Variants in PTPRD observed in about 807,000 individuals in gnomAD.
The protein encoded by PTPRD is receptor-type tyrosine-protein phosphatase delta.
PTPRD carries 34 observed loss-of-function variants against 214.5 expected under a neutral mutation model. The ratio of observed to expected loss-of-function variants is 0.16; its 90% CI spans 0.12 to 0.21. The LOEUF (loss-of-function observed/expected upper bound fraction) is 0.21. PTPRD is among the 10% of genes least tolerant of loss of function. PTPRD has a pLI of 1.00. For synonymous variants in PTPRD, 1,128 were observed against 845.7 expected, an observed-to-expected ratio of 1.33 and a Z score of -5.79; for missense variants, 2,545 against 2,398.7, an observed-to-expected ratio of 1.06 and a Z score of -1.27.
intron 3 of PTPRD, among the ~76,000 whole-genome samples, chr9:10,326,510 G>C (rs1271513600): frequency 6.6e-6 from 1 of 151,370 alleles, no homozygotes; most frequent in Non-Finnish European, 1.5e-5. Context: ...TTATTTGTTT[G>C]TTGTTGTTGT....
At chr9:8,859,386 C>G (rs2098046197) in intron 11 of PTPRD, among the ~76,000 whole-genome samples, 1 of 152,204 alleles carries the variant, frequency 6.6e-6, no homozygotes, top group Non-Finnish European at 1.5e-5. Flanking sequence ...CTTCACTACT[C>G]ATAGGGTCTC....
intron 10 of PTPRD, among the ~76,000 whole-genome samples, chr9:9,032,793 A>G (rs1376424480): frequency 6.6e-6 from 1 of 152,102 alleles, no homozygotes; most frequent in Non-Finnish European, 1.5e-5. Context: ...TCCTGCAAAT[A>G]GAGCTTATAT....
At chr9:9,532,180 C>G (rs557355282) in intron 8 of PTPRD, among the ~76,000 whole-genome samples, 11 of 152,112 alleles carry the variant, frequency 7.2e-5, no homozygotes, top group African/African-American at 2.7e-4. Flanking sequence ...GAATGTGACT[C>G]AGAGTGAGGA....
intron 10 of PTPRD, among the ~76,000 whole-genome samples, chr9:9,176,363 A>G (rs1306132981): frequency 6.6e-6 from 1 of 152,196 alleles, no homozygotes; most frequent in Admixed American, 6.5e-5. Context: ...GTCAGTCTCT[A>G]TCTATATAGT....
chr9:9,725,928 A>G (rs1365887895), intron 7 of PTPRD, among the ~76,000 whole-genome samples: 3 of 152,144 alleles, frequency 2.0e-5, no homozygotes, highest in Non-Finnish European at 1.5e-5. Flanking sequence ...TGTTTAGGGA[A>G]GCAGATGACT....
At chr9:8,509,252 T>C (rs2097617843) in intron 21 of PTPRD, among the ~76,000 whole-genome samples, 1 of 152,142 alleles carries the variant, frequency 6.6e-6, no homozygotes, top group South Asian at 2.1e-4. Flanking sequence ...AAATGCATTA[T>C]TTCTAAAAGG....
chr9:9,552,031 C>T (rs576831690), intron 8 of PTPRD, among the ~76,000 whole-genome samples: 1 of 152,166 alleles, frequency 6.6e-6, no homozygotes, highest in Admixed American at 6.6e-5. Context: ...ATAAGCCCAA[C>T]TCTTTATCAC....
chr9:10,396,138 C>G (rs948668011), intron 2 of PTPRD, among the ~76,000 whole-genome samples: 6 of 151,924 alleles, frequency 3.9e-5, no homozygotes, highest in Non-Finnish European at 7.4e-5. Context: ...GTTATACCTC[C>G]TCACCTTTTT....
chr9:9,515,297 GT>G (rs1486951691), intron 8 of PTPRD, among the ~76,000 whole-genome samples: 1 of 151,852 alleles, frequency 6.6e-6, no homozygotes, highest in African/African-American at 2.4e-5. Flanking sequence ...TTTTTTATTT[GT>G]TTGGAGTCTC....
rs533692064 is a variant in PTPRD, at chr9:8,905,687, C to T, written c.-104+113010G>A. Among the ~76,000 whole-genome samples, 6 of 146,822 alleles carry T rather than the reference C, an allele frequency of 4.1e-5. No homozygotes were observed. In the South Asian group the frequency reaches 8.7e-4, roughly 21 times the overall value. On this transcript the variant is annotated intron_variant, in intron 11 of 45. Coordinates refer to ENST00000381196, the MANE Select transcript of PTPRD (RefSeq NM_002839.4). ...CAGGGAGACCGAGGTTGCAGTGAGC[C>T]GGAATCACGCCACTGCATTCCAGCC...
chr9:9,853,118 G>C (rs185009705), intron 5 of PTPRD, among the ~76,000 whole-genome samples: 11 of 152,270 alleles, frequency 7.2e-5, no homozygotes, highest in Middle Eastern at 3.4e-3. Flanking sequence ...AAGACCTCTA[G>C]TCTCGGCAGA....
intron 3 of PTPRD, among the ~76,000 whole-genome samples, chr9:10,294,279 G>A (rs957964034): frequency 5.3e-5 from 8 of 151,852 alleles, no homozygotes; most frequent in Admixed American, 3.9e-4. Flanking sequence ...TGAGTACAAT[G>A]AGATGTTCAT....
chr9:8,974,727 C>T (rs1316356320), intron 11 of PTPRD, among the ~76,000 whole-genome samples: 1 of 151,918 alleles, frequency 6.6e-6, no homozygotes, highest in African/African-American at 2.4e-5. Context: ...AATAAAGATG[C>T]AGACAGTAAT....
At chr9:10,150,044 A>G (rs1032340935) in intron 3 of PTPRD, among the ~76,000 whole-genome samples, 3 of 152,140 alleles carry the variant, frequency 2.0e-5, no homozygotes, top group Non-Finnish European at 4.4e-5. Flanking sequence ...CATTATTTTT[A>G]TAATTAAAAA....
intron 3 of PTPRD, among the ~76,000 whole-genome samples, chr9:10,283,811 A>G (rs1447448984): frequency 2.0e-5 from 3 of 152,134 alleles, no homozygotes; most frequent in Admixed American, 6.5e-5. Context: ...TTGCAACACT[A>G]CAGAATTTTA....
intron 7 of PTPRD, among the ~76,000 whole-genome samples, chr9:9,714,089 CAAAAA>C (rs5896350): frequency 1.1e-4 from 14 of 126,962 alleles, no homozygotes; most frequent in Non-Finnish European, 1.2e-4. Flanking sequence ...TTCACTTGCG[CAAAAA>C]AAAAAAAAAA....
At chr9:8,756,403 A>T (rs942123812) in intron 11 of PTPRD, among the ~76,000 whole-genome samples, 1 of 152,238 alleles carries the variant, frequency 6.6e-6, no homozygotes, top group South Asian at 2.1e-4. Flanking sequence ...GAAAGTACAT[A>T]TATGTAACAT....
intron 9 of PTPRD, among the ~76,000 whole-genome samples, chr9:9,307,008 A>C (rs2135252649): frequency 6.6e-6 from 1 of 152,310 alleles, no homozygotes; most frequent in East Asian, 1.9e-4. Flanking sequence ...TGGTGAAGTA[A>C]GATTCAAATT....
chr9:10,052,085 C>G (rs111798489), intron 3 of PTPRD, among the ~76,000 whole-genome samples: 382 of 152,232 alleles, frequency 2.5e-3, no homozygotes, highest in African/African-American at 8.9e-3. Context: ...GCTGGGACCA[C>G]AGGCAGGTGC....
Sources: gnomAD v4.1 joint callset for allele counts (sites outside exome capture counted in the v4.1 genomes callset) on GRCh38, gnomAD v4.1.1 for gene constraint, MANE v1.5 for transcripts, NCBI Gene and HGNC (gene_info 2026-07-23, HGNC 2026-07-21) for gene names.